MAP3K15: variants seen among roughly 807,000 people sequenced by gnomAD.
The protein encoded by MAP3K15 is mitogen-activated protein kinase kinase kinase 15.
MAP3K15 carries 124 observed loss-of-function variants against 99.5 expected under a neutral mutation model. The observed-to-expected ratio is 1.25, with a 90% CI of 1.08 to 1.45. The LOEUF (loss-of-function observed/expected upper bound fraction) is 1.45, where lower values mean the gene tolerates loss of function less well. Ranked by LOEUF, MAP3K15 falls within the 40% of genes most tolerant of loss-of-function variation. The pLI is 0.00. For synonymous variants in MAP3K15, 494 were observed against 439.6 expected, an observed-to-expected ratio of 1.12 and a Z score of -1.55; for missense variants, 1,242 against 1,079.7, an observed-to-expected ratio of 1.15 and a Z score of -2.11.
At position 19,475,203 on chromosome X, in the gene MAP3K15, A is replaced by G. The variant is rs757059911; in HGVS notation, c.526-10797T>C. Among the ~76,000 whole-genome samples the G allele has an allele frequency of 2.7e-5, 3 of 111,240 alleles. No homozygotes were observed. The South Asian group carries it at 1.2e-3, about 43-fold the overall frequency. Reference sequence around the variant, plus strand: ...GGGACACAGTGAGAGATCATCAGGCATGAGTTTCTCATAAGGAGCACACAA... The same window carrying G: ...GGGACACAGTGAGAGATCATCAGGCGTGAGTTTCTCATAAGGAGCACACAA... On this transcript the variant is annotated intron_variant, in intron 3 of 28. Coordinates refer to ENST00000338883, the MANE Select transcript of MAP3K15 (RefSeq NM_001001671.4).
chrX:19,471,654 G>A (rs1418951018), intron 3 of MAP3K15, among the ~76,000 whole-genome samples: 4 of 111,775 alleles, frequency 3.6e-5, no homozygotes, highest in Non-Finnish European at 7.5e-5. Context: ...ACACCCAGAT[G>A]TGTCAGTTAA....
At chrX:19,419,384 C>A (rs1195474396) in intron 9 of MAP3K15, among the ~76,000 whole-genome samples, 1 of 108,935 alleles carries the variant, frequency 9.2e-6, no homozygotes, top group African/African-American at 3.4e-5. Flanking sequence ...GCAGGGGTTG[C>A]AATCCTAGTC....
chrX:19,381,437 C>T (rs1272540498), intron 18 of MAP3K15, among the ~76,000 whole-genome samples: 1 of 112,232 alleles, frequency 8.9e-6, no homozygotes, highest in Admixed American at 9.4e-5. Context: ...GTTCTAGCAC[C>T]CCTGCCAGGC....
intron 28 of MAP3K15, chrX:19,361,093 C>T: frequency 2.4e-6 from 1 of 419,752 alleles, no homozygotes; most frequent in South Asian, 3.8e-5. Flanking sequence ...GCACGCTTGC[C>T]ATGTGCCTCC....
intron 1 of MAP3K15, among the ~76,000 whole-genome samples, chrX:19,502,098 G>C (rs1301937977): frequency 9.0e-6 from 1 of 111,286 alleles, no homozygotes; most frequent in African/African-American, 3.3e-5. Context: ...CAATTGTTTT[G>C]CCTGTGAGGA....
At position 19,380,190 on chromosome X, in the gene MAP3K15, G is replaced by C. The variant is rs1295960834; in HGVS notation, c.2519C>G (p.Thr840Ser). 1 of 1,206,244 alleles carries C rather than the reference G, an allele frequency of 8.3e-7. No individual in the cohort carries two copies. The highest frequency in any genetic ancestry group is 3.0e-5 in the East Asian group (1 of 33,664). ...CTTGCTGGTGGCCATCTCAATGATG[G>C]TGCAGCCCAGGGACCAGATATCGGC... ...APADIWSLGC[T>S]IIEMATSKPP... The change falls in exon 19 of 29, where the codon ACC (threonine) becomes AGC (serine). Residue 840 changes from threonine (T) to serine (S), a missense_variant. Transcript: ENST00000338883.
intron 1 of MAP3K15, among the ~76,000 whole-genome samples, chrX:19,505,287 A>T (rs1293055730): frequency 9.0e-6 from 1 of 111,199 alleles, no homozygotes; most frequent in Non-Finnish European, 1.9e-5. Flanking sequence ...GATGACCCAC[A>T]GCCTGACTCT....
At chrX:19,471,950 C>T (rs949531493) in intron 3 of MAP3K15, among the ~76,000 whole-genome samples, 10 of 111,670 alleles carry the variant, frequency 9.0e-5, no homozygotes, top group Admixed American at 1.9e-4. Flanking sequence ...GGGCCGGGCG[C>T]GGTGGCTCAC....
In MAP3K15 at chrX:19,460,060, C is replaced by G. The variant is rs1381915051; in HGVS notation, c.813G>C (p.Lys271Asn). 6.7e-6 allele frequency: 8 copies of G among 1,194,764 alleles called. No homozygotes were observed. The African/African-American group carries it at 1.4e-4, about 21-fold the overall frequency. ...EELAKELARI[K>N]LRMDNTEVLT... ...GAACCTCAGTATTATCCATGCGGAG[C>G]TTGATCCGAGCTAGCTCCTTCGCCA... The change falls in exon 5 of 29, where the codon AAG (lysine) becomes AAC (asparagine). Residue 271 changes from lysine (K) to asparagine (N), a missense_variant. Coordinates refer to ENST00000338883, the MANE Select transcript of MAP3K15 (RefSeq NM_001001671.4).
At chrX:19,383,354 G>C (rs2063472975) in intron 18 of MAP3K15, among the ~76,000 whole-genome samples, 1 of 112,416 alleles carries the variant, frequency 8.9e-6, no homozygotes, top group African/African-American at 3.2e-5. Context: ...AAGAGCAAGA[G>C]AATACATTTA....
At chrX:19,362,981 G>A (rs1050501521) in intron 25 of MAP3K15, 131 bp from the exon 26 acceptor site, 4 of 392,245 alleles carry the variant, frequency 1.0e-5, no homozygotes, top group Non-Finnish European at 8.8e-6. Context: ...CTAAGAGTCA[G>A]CCTAGAGAGG....
intron 11 of MAP3K15, among the ~76,000 whole-genome samples, chrX:19,410,287 T>G (rs1199535357): frequency 4.4e-5 from 5 of 112,439 alleles, no homozygotes; most frequent in African/African-American, 1.6e-4. Context: ...GTAGGCAAAC[T>G]CTAAAACAAG....
chrX:19,392,201 T>C, intron 17 of MAP3K15, 94 bp from the exon 18 acceptor site: 2 of 1,031,119 alleles, frequency 1.9e-6, no homozygotes, highest in Non-Finnish European at 2.7e-6. Context: ...CACAAGTCTC[T>C]AGGAAAACTA....
chrX:19,432,337 G>T (rs2063889455), intron 6 of MAP3K15, among the ~76,000 whole-genome samples: 1 of 110,853 alleles, frequency 9.0e-6, no homozygotes, highest in Non-Finnish European at 1.9e-5. Context: ...GCCAAGGCGG[G>T]TGGATCACTT....
chrX:19,462,194 T>C (rs1479676469), intron 4 of MAP3K15, among the ~76,000 whole-genome samples: 1 of 111,868 alleles, frequency 8.9e-6, no homozygotes, highest in African/African-American at 3.3e-5. Context: ...TACAAAACAA[T>C]GCCAAATATG....
At chrX:19,440,669 A>C (rs991896551) in intron 6 of MAP3K15, among the ~76,000 whole-genome samples, 1 of 112,383 alleles carries the variant, frequency 8.9e-6, no homozygotes, top group East Asian at 2.8e-4. Context: ...GGCATTTCCC[A>C]GGCTGGCTTT....
At chrX:19,375,506 C>T (rs1044614316) in intron 19 of MAP3K15, among the ~76,000 whole-genome samples, 4 of 112,204 alleles carry the variant, frequency 3.6e-5, no homozygotes, top group African/African-American at 9.7e-5. Context: ...GACATGCTTC[C>T]GTGACATGTT....
At chrX:19,490,053 T>G (rs529674601) in intron 1 of MAP3K15, among the ~76,000 whole-genome samples, 1 of 107,653 alleles carries the variant, frequency 9.3e-6, no homozygotes, top group South Asian at 4.1e-4. Context: ...ATAAATAAAT[T>G]TCTGTTGTTT....
At chrX:19,390,594 A>G (rs187403883) in intron 18 of MAP3K15, among the ~76,000 whole-genome samples, 7 of 106,549 alleles carry the variant, frequency 6.6e-5, no homozygotes, top group African/African-American at 2.0e-4. Flanking sequence ...TATTTTTTGT[A>G]GAGATGGGGT....
Sources: allele counts gnomAD v4.1 joint callset (sites outside exome capture counted in the v4.1 genomes callset), GRCh38; gene constraint gnomAD v4.1.1; transcripts MANE v1.5; gene names NCBI Gene and HGNC (gene_info 2026-07-23, HGNC 2026-07-21).